The following MTA3 variants were observed in gnomAD, a reference collection of about 807,000 sequenced individuals.
MTA3 encodes the protein metastasis-associated protein MTA3.
MTA3 carries 34 observed loss-of-function variants against 83.5 expected under a neutral mutation model. The ratio of observed to expected loss-of-function variants is 0.41; its 90% CI spans 0.31 to 0.54. The LOEUF is 0.54. MTA3 is among the 20% of genes least tolerant of loss of function. The pLI, the probability that MTA3 is intolerant of heterozygous loss-of-function variation, is 0.33. For missense variants in MTA3, 761 were observed against 726.4 expected (o/e 1.05, Z -0.55); for synonymous variants, 303 against 252.7 (o/e 1.20, Z -1.89).
At chr2:42,705,389 G>A (rs1333668541) in intron 12 of MTA3, among the ~76,000 whole-genome samples, 1 of 152,208 alleles carries the variant, frequency 6.6e-6, no homozygotes, top group Non-Finnish European at 1.5e-5. Flanking sequence ...CAGACAAGTG[G>A]TAGTGGCTTA....
At chr2:42,708,137 A>G (rs1202383386) in intron 13 of MTA3, 83 bp downstream of exon 13, 2 of 1,357,496 alleles carry the variant, frequency 1.5e-6, no homozygotes, top group Non-Finnish European at 1.9e-6. Context: ...ACAGTATAGG[A>G]TAATTAAAAA....
intron 2 of MTA3, among the ~76,000 whole-genome samples, chr2:42,510,972 G>A (rs1460674550): frequency 6.6e-6 from 1 of 152,172 alleles, no homozygotes; most frequent in Admixed American, 6.5e-5. Context: ...CAACATTAAT[G>A]AACCAAAATT....
intron 4 of MTA3, among the ~76,000 whole-genome samples, 186 bp downstream of exon 4, chr2:42,609,770 T>C (rs1038395561): frequency 1.3e-5 from 2 of 152,198 alleles, no homozygotes; most frequent in African/African-American, 4.8e-5. Context: ...ACAAAAGTTC[T>C]CCAGTAAAGT....
chr2:42,606,458 G>C (rs1413584880), intron 3 of MTA3, among the ~76,000 whole-genome samples: 4 of 150,148 alleles, frequency 2.7e-5, no homozygotes, highest in African/African-American at 9.9e-5. Flanking sequence ...CATCTCAGAC[G>C]ATCTCCTCAC....
chr2:42,602,311 T>A (rs1156391209), intron 3 of MTA3, among the ~76,000 whole-genome samples: 1 of 152,204 alleles, frequency 6.6e-6, no homozygotes, highest in Non-Finnish European at 1.5e-5. Context: ...AACATTTGGC[T>A]TATTTCCAGT....
intron 3 of MTA3, among the ~76,000 whole-genome samples, chr2:42,592,901 A>C (rs563885067): frequency 3.7e-4 from 57 of 152,224 alleles, no homozygotes; most frequent in African/African-American, 1.2e-3. Context: ...CTGTAATCCC[A>C]CCACTTGGGG....
intron 4 of MTA3, among the ~76,000 whole-genome samples, chr2:42,610,052 A>C (rs540739924): frequency 6.6e-6 from 1 of 152,234 alleles, no homozygotes; most frequent in African/African-American, 2.4e-5. Flanking sequence ...GTGTGCTGAC[A>C]TCGTGCCACT....
intron 4 of MTA3, among the ~76,000 whole-genome samples, chr2:42,620,362 C>T (rs1685397735): frequency 6.6e-6 from 1 of 152,150 alleles, no homozygotes; most frequent in Admixed American, 6.6e-5. Context: ...CAGGTGATTC[C>T]ACCTGCCTTG....
chr2:42,602,208 C>G (rs567073132), intron 3 of MTA3, among the ~76,000 whole-genome samples: 1 of 152,242 alleles, frequency 6.6e-6, no homozygotes, highest in African/African-American at 2.4e-5. Flanking sequence ...ATCTCCTGGG[C>G]TCAAGCTGTC....
intron 6 of MTA3, among the ~76,000 whole-genome samples, chr2:42,649,720 C>A (rs539739280): frequency 1.3e-5 from 2 of 152,142 alleles, no homozygotes; most frequent in East Asian, 3.9e-4. Flanking sequence ...GAGGCACTTT[C>A]CACTGTGTTA....
chr2:42,662,557 AG>A (rs780499125), intron 8 of MTA3, among the ~76,000 whole-genome samples: 61 of 151,850 alleles, frequency 4.0e-4, no homozygotes, highest in Non-Finnish European at 6.8e-4. Context: ...AGATATACTT[AG>A]GCCTGTTTAT....
At chr2:42,731,347 A>G (rs1668216043) in intron 16 of MTA3, among the ~76,000 whole-genome samples, 1 of 152,180 alleles carries the variant, frequency 6.6e-6, no homozygotes, top group African/African-American at 2.4e-5. Flanking sequence ...GTCTGTTTTC[A>G]CACTGCTGAT....
chr2:42,714,459 T>C (rs1351552978), intron 14 of MTA3, among the ~76,000 whole-genome samples: 1 of 152,196 alleles, frequency 6.6e-6, no homozygotes, highest in Admixed American at 6.5e-5. Context: ...CAAACTCTAC[T>C]GATAGTTTTA....
At chr2:42,739,639 C>T (rs532884711) in intron 16 of MTA3, among the ~76,000 whole-genome samples, 13 of 152,268 alleles carry the variant, frequency 8.5e-5, no homozygotes, top group African/African-American at 2.2e-4. Context: ...CTTCCTTTCA[C>T]GAAAGATTTC....
At chr2:42,700,756 A>G (rs976511215) in intron 11 of MTA3, among the ~76,000 whole-genome samples, 5 of 152,220 alleles carry the variant, frequency 3.3e-5, no homozygotes, top group African/African-American at 1.2e-4. Flanking sequence ...TTCACTTAGT[A>G]TAGTGTCAGC....
intron 16 of MTA3, among the ~76,000 whole-genome samples, chr2:42,747,731 C>G (rs1299952855): frequency 6.6e-6 from 1 of 151,910 alleles, no homozygotes; most frequent in Non-Finnish European, 1.5e-5. Flanking sequence ...TCCCACAGAG[C>G]TTGTTTATAT....
chr2:42,646,750 C>G (rs559398370), intron 6 of MTA3, among the ~76,000 whole-genome samples: 52 of 152,202 alleles, frequency 3.4e-4, no homozygotes, highest in African/African-American at 1.2e-3. Context: ...GGAATCTACT[C>G]CTGGTGAAGA....
rs1388854389 is a variant in MTA3 at position 42,570,432 on chromosome 2, T to C, written c.29-5T>C. 6.6e-7 allele frequency: 1 copy of C among 1,513,540 alleles called. No homozygotes were observed. Among genetic ancestry groups the C allele is most frequent in the Non-Finnish European group, 9.0e-7 (1 of 1,115,644 alleles). 93.8% of individuals were successfully genotyped at this position (1,513,540 alleles called of 1,614,324 possible). ...GATTAAGTTCTGTACTTCCTTTAATTACAGATTATGTCTACTTTGAGAATT... is the reference window on the plus strand; with the variant it reads ...GATTAAGTTCTGTACTTCCTTTAATCACAGATTATGTCTACTTTGAGAATT... On this transcript the variant is annotated splice_region_variant and splice_polypyrimidine_tract_variant and intron_variant, in intron 1 of 16. Coordinates refer to ENST00000405094, the MANE Select transcript of MTA3 (RefSeq NM_001330442.2).
intron 3 of MTA3, among the ~76,000 whole-genome samples, chr2:42,595,406 G>A (rs1681679373): frequency 6.6e-6 from 1 of 151,944 alleles, no homozygotes; most frequent in African/African-American, 2.4e-5. Context: ...CACTGTGCCC[G>A]GCATGTTTTT....
Sources: gnomAD v4.1 joint callset for allele counts (sites outside exome capture counted in the v4.1 genomes callset) on GRCh38, gnomAD v4.1.1 for gene constraint, MANE v1.5 for transcripts, NCBI Gene and HGNC (gene_info 2026-07-23, HGNC 2026-07-21) for gene names.